GLIS3: variants seen among roughly 807,000 people sequenced by gnomAD.
GLIS3 encodes the protein GLIS family zinc finger 3, also known as zinc finger protein GLIS3.
In GLIS3, 53 loss-of-function variants were observed where a neutral mutation model predicts 78.6. The ratio of observed to expected loss-of-function variants is 0.67; its 90% CI spans 0.54 to 0.85. The LOEUF (loss-of-function observed/expected upper bound fraction) is 0.85. GLIS3 is among the 40% of genes least tolerant of loss of function. The pLI is 0.00. For synonymous variants in GLIS3, 684 were observed against 509.9 expected, an observed-to-expected ratio of 1.34 and a Z score of -4.60; for missense variants, 1,703 against 1,231.1, an observed-to-expected ratio of 1.38 and a Z score of -5.74.
At chr9:4,481,964 C>T in the GLIS3 span, among the ~76,000 whole-genome samples, 95,162 of 152,080 alleles carry the variant, frequency 0.63, 30,680 homozygotes, top group African/African-American at 0.79. Context: ...TTTTAAAAAA[C>T]GTATGTCAAA....
chr9:4,281,139 TAAAC>T (rs1439744294), intron 2 of GLIS3, among the ~76,000 whole-genome samples: 3 of 152,234 alleles, frequency 2.0e-5, no homozygotes, highest in Non-Finnish European at 2.9e-5. Context: ...ATTTCATTCT[TAAAC>T]AACCACAAAT....
Position 4,273,725 on chromosome 9 carries a change from C to A in GLIS3, c.388+12313G>T, listed in dbSNP as rs58260085. 3.9e-3 allele frequency among the ~76,000 whole-genome samples: 591 copies of A among 152,312 alleles called. 7 individuals carry two copies. Among genetic ancestry groups the A allele is most frequent in the African/African-American group, 0.013 (560 of 41,558 alleles). On this transcript the variant is annotated intron_variant, in intron 2 of 10. Coordinates refer to ENST00000381971, the MANE Select transcript of GLIS3 (RefSeq NM_001042413.2). Reference sequence around the variant, plus strand: ...CTTACGTGTGCCAGAGATTTCCACACAAGTGGGTGACTACTTGAAAAGTCA... The same window carrying A: ...CTTACGTGTGCCAGAGATTTCCACAAAAGTGGGTGACTACTTGAAAAGTCA...
At chr9:3,980,444 T>A (rs1054835109) in intron 4 of GLIS3, among the ~76,000 whole-genome samples, 2 of 152,160 alleles carry the variant, frequency 1.3e-5, no homozygotes, top group African/African-American at 4.8e-5. Flanking sequence ...AAGCCAGACA[T>A]ACCAGCAGGC....
intron 2 of GLIS3, among the ~76,000 whole-genome samples, chr9:4,270,391 G>A (rs1238061558): frequency 1.3e-5 from 2 of 152,164 alleles, no homozygotes; most frequent in Non-Finnish European, 2.9e-5. Context: ...AGTCTCCATG[G>A]TCAGCAATCT....
In GLIS3 at chr9:4,125,856, A is replaced by C. The variant is rs1832537218; in HGVS notation, c.474T>G (p.Val158=). ...NLVVTSSPMM[V]QRLGLISPPA... Reference sequence around the variant, plus strand: ...GAGGTGAAATGAGTCCCAGTCGCTGAACCATCATGGGACTGCTGGTGACCA... The same window carrying C: ...GAGGTGAAATGAGTCCCAGTCGCTGCACCATCATGGGACTGCTGGTGACCA... The change falls in exon 3 of 11, where the codon GTT becomes GTG. Residue 158 remains valine, a synonymous_variant. Transcript: ENST00000381971. 1 of 1,613,856 alleles carries C rather than the reference A, an allele frequency of 6.2e-7. No individual in the cohort carries two copies. The highest frequency in any genetic ancestry group is 2.2e-5 in the East Asian group (1 of 44,852).
At chr9:3,869,190 A>G (rs10122867) in intron 8 of GLIS3, among the ~76,000 whole-genome samples, 111,769 of 152,088 alleles carry the variant, frequency 0.73, 41,498 homozygotes, top group East Asian at 0.97. Context: ...AGATTTTGAT[A>G]TGCTTAATAT....
chr9:4,366,145 A>C, the GLIS3 span, among the ~76,000 whole-genome samples: 1 of 152,180 alleles, frequency 6.6e-6, no homozygotes, highest in Non-Finnish European at 1.5e-5. Context: ...TATAAAGGGA[A>C]ATGTGGAATT....
At chr9:4,428,780 T>C in the GLIS3 span, among the ~76,000 whole-genome samples, 1 of 152,144 alleles carries the variant, frequency 6.6e-6, no homozygotes, top group Admixed American at 6.5e-5. Context: ...GACCATCTCC[T>C]CTTGGTTGTT....
At chr9:4,236,764 A>C (rs1465848108) in intron 2 of GLIS3, among the ~76,000 whole-genome samples, 1 of 152,198 alleles carries the variant, frequency 6.6e-6, no homozygotes, top group African/African-American at 2.4e-5. Context: ...AATTTTATTA[A>C]AGTTTCATCT....
chr9:4,370,143 G>C, the GLIS3 span, among the ~76,000 whole-genome samples: 1 of 119,690 alleles, frequency 8.4e-6, no homozygotes, highest in Non-Finnish European at 1.6e-5. Flanking sequence ...AGTCATCCAA[G>C]ATTGCACTCC....
At chr9:4,021,785 G>C (rs1484153781) in intron 4 of GLIS3, among the ~76,000 whole-genome samples, 2 of 152,146 alleles carry the variant, frequency 1.3e-5, no homozygotes, top group Non-Finnish European at 1.5e-5. Flanking sequence ...CAAGCTTCCT[G>C]AAATTTTTCC....
intron 2 of GLIS3, among the ~76,000 whole-genome samples, chr9:4,336,924 A>C (rs1285301760): frequency 2.0e-5 from 3 of 152,246 alleles, no homozygotes; most frequent in African/African-American, 7.2e-5. Flanking sequence ...AACTCACTAA[A>C]TTCCAAGAGA....
At chr9:4,341,803 G>A (rs976073672) in intron 2 of GLIS3, among the ~76,000 whole-genome samples, 2 of 152,064 alleles carry the variant, frequency 1.3e-5, no homozygotes, top group East Asian at 1.9e-4. Flanking sequence ...TGGGATCTCC[G>A]CTTTTTTTTC....
At chr9:3,991,401 G>A (rs1281282671) in intron 4 of GLIS3, among the ~76,000 whole-genome samples, 3 of 152,088 alleles carry the variant, frequency 2.0e-5, no homozygotes, top group South Asian at 2.1e-4. Flanking sequence ...AAGTACAAGA[G>A]ACAGCATAAA....
chr9:4,058,709 G>A (rs561108148), intron 4 of GLIS3, among the ~76,000 whole-genome samples: 52 of 152,228 alleles, frequency 3.4e-4, no homozygotes, highest in Non-Finnish European at 5.0e-4. Flanking sequence ...CATAGAGTGC[G>A]GTAGCTCAAG....
chr9:4,176,626 C>G (rs1008814637), intron 2 of GLIS3, among the ~76,000 whole-genome samples: 2 of 151,852 alleles, frequency 1.3e-5, no homozygotes, highest in Non-Finnish European at 2.9e-5. Context: ...ATTTCTTTTT[C>G]TCCTTTTTTA....
At chr9:4,223,136 A>C (rs1428427307) in intron 2 of GLIS3, among the ~76,000 whole-genome samples, 1 of 152,234 alleles carries the variant, frequency 6.6e-6, no homozygotes, top group Non-Finnish European at 1.5e-5. Flanking sequence ...AATCTGGTCC[A>C]AATTTTTCAT....
intron 2 of GLIS3, among the ~76,000 whole-genome samples, chr9:4,338,548 A>G (rs560767888): frequency 6.6e-6 from 1 of 152,246 alleles, no homozygotes; most frequent in Non-Finnish European, 1.5e-5. Context: ...TAGGGCCCCA[A>G]ACTTGAAGTC....
chr9:4,320,194 C>T (rs1817503551), intron 2 of GLIS3, among the ~76,000 whole-genome samples: 1 of 152,156 alleles, frequency 6.6e-6, no homozygotes, highest in Non-Finnish European at 1.5e-5. Context: ...CAACAAATTC[C>T]CTTCCATTCT....
Sources: gnomAD v4.1 joint callset for allele counts (sites outside exome capture counted in the v4.1 genomes callset) on GRCh38, gnomAD v4.1.1 for gene constraint, MANE v1.5 for transcripts, NCBI Gene and HGNC (gene_info 2026-07-23, HGNC 2026-07-21) for gene names.